XKR4: variants seen among roughly 807,000 people sequenced by gnomAD.
The protein encoded by XKR4 is XK related 4, also known as XK-related protein 4.
Under a neutral mutation model 53.9 loss-of-function variants are expected in XKR4, and 12 were observed. The ratio of observed to expected loss-of-function variants is 0.22; its 90% confidence interval spans 0.14 to 0.36. The LOEUF (loss-of-function observed/expected upper bound fraction) is 0.36, where lower values mean the gene tolerates loss of function less well. Among genes scored for constraint, XKR4 ranks in the 10% least tolerant of loss-of-function variants. The pLI, the probability that XKR4 is intolerant of heterozygous loss-of-function variation, is 1.00. For synonymous variants in XKR4, 354 were observed against 362.4 expected, an observed-to-expected ratio of 0.98 and a Z score of 0.26; for missense variants, 799 against 859.5, an observed-to-expected ratio of 0.93 and a Z score of 0.88.
chr8:55,165,380 C>T (rs184169458), intron 1 of XKR4, among the ~76,000 whole-genome samples: 4 of 151,592 alleles, frequency 2.6e-5, no homozygotes, highest in East Asian at 1.9e-4. Context: ...TTAATTTTCT[C>T]GGTGTTATAA....
chr8:55,125,492 C>T (rs1745318703), intron 1 of XKR4, among the ~76,000 whole-genome samples: 1 of 152,282 alleles, frequency 6.6e-6, no homozygotes, highest in South Asian at 2.1e-4. Flanking sequence ...CCTTGGTCTC[C>T]CAAAGTCCTG....
rs1372537830 is a variant in XKR4, at chr8:55,346,086, T to C, written c.807-11592T>C. On this transcript the variant is annotated intron_variant, in intron 1 of 2. Transcript: ENST00000327381. ...AGAATTTACATTTTCTTTTTCTTTT[T>C]TTTTTTTTTTCTTTTTTGAGACAGA... Among the ~76,000 whole-genome samples, 5 of 151,380 alleles carry C rather than the reference T, an allele frequency of 3.3e-5. No individual in the cohort carries two copies. In the South Asian group the frequency reaches 8.4e-4, roughly 25 times the overall value.
chr8:55,336,327 G>T (rs906443697), intron 1 of XKR4, among the ~76,000 whole-genome samples: 20 of 151,920 alleles, frequency 1.3e-4, no homozygotes, highest in Non-Finnish European at 2.8e-4. Flanking sequence ...AGTGCCTTTT[G>T]CCTCCCGCCA....
intron 1 of XKR4, among the ~76,000 whole-genome samples, chr8:55,149,178 A>G (rs1240754955): frequency 6.6e-6 from 1 of 152,216 alleles, no homozygotes; most frequent in Non-Finnish European, 1.5e-5. Flanking sequence ...TGTCTCTGCC[A>G]TTCGAGAGTC....
At chr8:55,423,034 A>G (rs937445393) in intron 2 of XKR4, among the ~76,000 whole-genome samples, 2 of 152,214 alleles carry the variant, frequency 1.3e-5, no homozygotes, top group Non-Finnish European at 2.9e-5. Context: ...CATTAATAAT[A>G]TGCATAATCT....
chr8:55,299,567 AGAGT>A (rs1819150018), intron 1 of XKR4, among the ~76,000 whole-genome samples: 1 of 152,230 alleles, frequency 6.6e-6, no homozygotes, highest in Non-Finnish European at 1.5e-5. Flanking sequence ...AGAGCACAGC[AGAGT>A]GAGTAAGAAT....
intron 1 of XKR4, among the ~76,000 whole-genome samples, chr8:55,138,404 G>T: frequency 6.6e-6 from 1 of 152,188 alleles, no homozygotes; most frequent in East Asian, 1.9e-4. Context: ...GCAAAGTGGA[G>T]AAATGCGAGA....
chr8:55,476,505 G>A (rs1379992301), intron 2 of XKR4, among the ~76,000 whole-genome samples: 1 of 152,086 alleles, frequency 6.6e-6, no homozygotes, highest in African/African-American at 2.4e-5. Context: ...GGTGATTTCT[G>A]CATTTCCATC....
intron 1 of XKR4, among the ~76,000 whole-genome samples, chr8:55,104,201 A>G (rs1357169419): frequency 6.6e-6 from 1 of 152,190 alleles, no homozygotes; most frequent in Non-Finnish European, 1.5e-5. Context: ...GAGCAGAATG[A>G]AATAGTATGC....
chr8:55,299,276 C>T (rs1215332569), intron 1 of XKR4, among the ~76,000 whole-genome samples: 1 of 152,130 alleles, frequency 6.6e-6, no homozygotes, highest in Non-Finnish European at 1.5e-5. Context: ...ATATTTCTGG[C>T]AGCCTGAGGA....
chr8:55,294,753 A>C (rs569083593), intron 1 of XKR4, among the ~76,000 whole-genome samples: 1 of 152,278 alleles, frequency 6.6e-6, no homozygotes, highest in African/African-American at 2.4e-5. Flanking sequence ...TACTTCTATC[A>C]GTTAGACACC....
intron 1 of XKR4, among the ~76,000 whole-genome samples, chr8:55,269,603 A>G (rs578140201): frequency 6.6e-6 from 1 of 152,188 alleles, no homozygotes; most frequent in Non-Finnish European, 1.5e-5. Context: ...GATTATAAAG[A>G]GTTGTCATGC....
intron 1 of XKR4, among the ~76,000 whole-genome samples, chr8:55,346,064 ATT>A (rs1305733082): frequency 6.6e-6 from 1 of 150,602 alleles, no homozygotes; most frequent in African/African-American, 2.4e-5. Flanking sequence ...TGAGTATAGA[ATT>A]TACATTTTCT....
chr8:55,517,823 T>C (rs1806738688), intron 2 of XKR4: 1 of 152,196 alleles, frequency 6.6e-6, no homozygotes, highest in Non-Finnish European at 1.5e-5. Context: ...GAGAGCCCTT[T>C]AGTTGATTCC....
chr8:55,358,425 TTTA>T (rs1418918694), intron 2 of XKR4, among the ~76,000 whole-genome samples: 1 of 152,230 alleles, frequency 6.6e-6, no homozygotes. Context: ...TTTGTGAATG[TTTA>T]TTAATATTTA....
intron 1 of XKR4, among the ~76,000 whole-genome samples, chr8:55,351,568 A>C (rs1206631450): frequency 6.6e-6 from 1 of 152,212 alleles, no homozygotes; most frequent in African/African-American, 2.4e-5. Context: ...AGTTCTACTG[A>C]CCATGGAGGT....
At chr8:55,317,789 A>G (rs35247858) in intron 1 of XKR4, among the ~76,000 whole-genome samples, 2,489 of 152,298 alleles carry the variant, frequency 0.016, 39 homozygotes, top group Non-Finnish European at 0.023. Flanking sequence ...TCACCCAGCA[A>G]TACAGAGAGT....
intron 1 of XKR4, among the ~76,000 whole-genome samples, chr8:55,273,539 ACTT>A (rs1250473936): frequency 6.6e-6 from 1 of 152,078 alleles, no homozygotes; most frequent in Non-Finnish European, 1.5e-5. Context: ...CCCTCCCTAA[ACTT>A]CTCCTGAGAT....
At chr8:55,340,636 A>G (rs1803530153) in intron 1 of XKR4, among the ~76,000 whole-genome samples, 1 of 152,218 alleles carries the variant, frequency 6.6e-6, no homozygotes. Flanking sequence ...GTTAGGATGC[A>G]CAACAAAATC....
Sources: allele counts gnomAD v4.1 joint callset (sites outside exome capture counted in the v4.1 genomes callset), GRCh38; gene constraint gnomAD v4.1.1; transcripts MANE v1.5; gene names NCBI Gene and HGNC (gene_info 2026-07-23, HGNC 2026-07-21).